The following OASL variants were observed in gnomAD, a reference collection of about 807,000 sequenced individuals.
The protein encoded by OASL is 2'-5'-oligoadenylate synthase-like protein.
OASL carries 28 observed loss-of-function variants against 35.3 expected under a neutral mutation model. That is an observed-to-expected ratio of 0.79 (90% confidence interval 0.59 to 1.09). OASL has a LOEUF of 1.09. OASL is among the 50% of genes least tolerant of loss of function. OASL has a pLI of 0.00. For missense variants in OASL, 620 were observed against 635.2 expected (o/e 0.98, Z 0.26); for synonymous variants, 252 against 254.6 (o/e 0.99, Z 0.10).
chr12:121,038,980 C>T (rs778378386), exon 1 of OASL: 18 of 1,612,640 alleles, frequency 1.1e-5, no homozygotes, highest in South Asian at 3.3e-5. Flanking sequence ...ATCTCTGTCC[C>T]GAGAGTACCG....
intron 4 of OASL, among the ~76,000 whole-genome samples, chr12:121,026,495 C>G (rs1869489309): frequency 6.6e-6 from 1 of 152,008 alleles, no homozygotes; most frequent in African/African-American, 2.4e-5. Context: ...GGAAGGCAGA[C>G]AACAAAGAGT....
chr12:121,033,010 C>T (rs1330226658), intron 2 of OASL, among the ~76,000 whole-genome samples: 4 of 152,096 alleles, frequency 2.6e-5, no homozygotes, highest in African/African-American at 9.7e-5. Context: ...ACTGCAACCT[C>T]CGCCTCCTGG....
chr12:121,039,090 G>C (rs1870081633), exon 1 of OASL: 2 of 803,558 alleles, frequency 2.5e-6, no homozygotes, highest in African/African-American at 1.7e-5. Flanking sequence ...TGCTCTGTGG[G>C]AGGAGGGACC....
At chr12:121,026,809 G>A (rs756607461) in intron 4 of OASL, among the ~76,000 whole-genome samples, 21 of 151,230 alleles carry the variant, frequency 1.4e-4, no homozygotes, top group East Asian at 1.9e-4. Context: ...TGGAGATTGC[G>A]CCACTGCACT....
chr12:121,021,790 A>G (rs1481243592), intron 5 of OASL, among the ~76,000 whole-genome samples: 3 of 152,208 alleles, frequency 2.0e-5, no homozygotes, highest in Admixed American at 2.0e-4. Context: ...CAGCCTGGGC[A>G]ACAAAGGGAG....
At chr12:121,033,621 C>G in exon 2 of OASL, 6 of 1,614,182 alleles carry the variant, frequency 3.7e-6, no homozygotes, top group Non-Finnish European at 5.1e-6. Flanking sequence ...TTTTCCATAT[C>G]AGCCTCAGAA....
At chr12:121,024,790 C>G (rs1442794424) in intron 4 of OASL, among the ~76,000 whole-genome samples, 3 of 152,014 alleles carry the variant, frequency 2.0e-5, no homozygotes, top group Admixed American at 2.0e-4. Context: ...GTTAGAGCTG[C>G]TGAATTACTT....
chr12:121,022,088 T>C (rs76434577), intron 5 of OASL, among the ~76,000 whole-genome samples: 53 of 146,792 alleles, frequency 3.6e-4, no homozygotes, highest in African/African-American at 1.2e-3. Context: ...TTTTGTTCTT[T>C]TTTTTTTTTT....
At chr12:121,038,163 T>A (rs891500274) in intron 1 of OASL, among the ~76,000 whole-genome samples, 1 of 152,074 alleles carries the variant, frequency 6.6e-6, no homozygotes, top group Admixed American at 6.6e-5. Context: ...AACACTCATA[T>A]ACCCAACTAG....
exon 1 of OASL, chr12:121,038,831 C>G (rs1423740469): frequency 6.2e-7 from 1 of 1,614,036 alleles, no homozygotes; most frequent in African/African-American, 1.3e-5. Context: ...CCTGGAAATG[C>G]TCCTGCCTCA....
chr12:121,031,713 T>A, intron 2 of OASL, 96 bp from the exon 3 acceptor site: 6 of 1,056,090 alleles, frequency 5.7e-6, no homozygotes, highest in Non-Finnish European at 8.5e-6. Context: ...ACATTGGAAG[T>A]ATCCCTCCAG....
chr12:121,027,644 C>T lies in OASL; in HGVS notation c.831G>A (p.Trp277Ter), dbSNP rs1869544030. Residue 277 changes from tryptophan to a stop codon, truncating the protein, a stop_gained, in exon 4 of 6, where the codon TGG becomes TGA. Transcript: ENST00000257570. LOFTEE classifies it high-confidence loss of function. ...CATTGTGGAGTGTGTAGTACTTGGT[C>T]CAGTAGATACAGATGACTTCATACT... 6.2e-7 allele frequency: 1 copy of T among 1,613,980 alleles called. No individual in the cohort carries two copies. The highest frequency in any genetic ancestry group is 1.1e-5 in the South Asian group (1 of 91,080).
chr12:121,029,440 G>C (rs1869638366), intron 3 of OASL, among the ~76,000 whole-genome samples: 1 of 152,216 alleles, frequency 6.6e-6, no homozygotes, highest in African/African-American at 2.4e-5. Context: ...TGTAATCCCA[G>C]CACTTTGGGA....
intron 4 of OASL, 73 bp downstream of exon 4, chr12:121,027,503 C>T: frequency 6.3e-7 from 1 of 1,592,150 alleles, no homozygotes; most frequent in Non-Finnish European, 8.6e-7. Context: ...ATCCATAAAA[C>T]TCTATGCCAC....
intron 1 of OASL, among the ~76,000 whole-genome samples, chr12:121,034,434 C>T (rs1869872583): frequency 6.6e-6 from 1 of 152,094 alleles, no homozygotes; most frequent in Non-Finnish European, 1.5e-5. Flanking sequence ...CCCAAATGCC[C>T]AGCTTCTTAT....
chr12:121,033,386 G>T, intron 2 of OASL, 75 bp downstream of exon 2: 1 of 1,473,186 alleles, frequency 6.8e-7, no homozygotes, highest in South Asian at 1.2e-5. Context: ...ACGTGGCCAT[G>T]AGTAAAGGTG....
intron 2 of OASL, among the ~76,000 whole-genome samples, chr12:121,033,204 G>A (rs1470042443): frequency 6.6e-5 from 10 of 152,122 alleles, no homozygotes; most frequent in African/African-American, 9.6e-5. Flanking sequence ...GATTACAGGC[G>A]TGAGCCACCG....
At position 121,038,747 on chromosome 12, in the gene OASL, G is replaced by A. The variant is rs141280914; in HGVS notation, c.198+27C>T. On this transcript the variant is annotated intron_variant, in intron 1 of 5. Coordinates refer to ENST00000257570, the Ensembl canonical transcript of OASL. ...ACTCTGATACTGGGTTTTGTCTTGC[G>A]TGGGGGCTGGAGGAGCCCAGTCTTA... is the stretch of plus-strand genomic sequence containing the variant. 6.1e-3 allele frequency: 9,893 copies of A among 1,611,302 alleles called. 49 individuals carry two copies. The highest frequency in any genetic ancestry group is 7.4e-3 in the Non-Finnish European group (8,726 of 1,177,568).
Position 121,021,135 on chromosome 12 carries a change from C to G in OASL, c.1048-77G>C. The G allele has an allele frequency of 2.8e-6, 4 of 1,424,446 alleles. No homozygotes were observed. In the South Asian group the frequency reaches 5.6e-5, roughly 20 times the overall value. The allele number at this position is 1,424,446 out of a possible 1,614,324, so 88.2% of individuals were successfully genotyped here. ...ATGTGCAAATGTTCCCTTCATCTGT[C>G]CTTATCTTTACAATAGTAGCAGCAG... On this transcript the variant is annotated intron_variant, in intron 5 of 5. Coordinates refer to ENST00000257570, the Ensembl canonical transcript of OASL.
Sources: gnomAD v4.1 joint callset for allele counts (sites outside exome capture counted in the v4.1 genomes callset) on GRCh38, gnomAD v4.1.1 for gene constraint, MANE v1.5 for transcripts, NCBI Gene and HGNC (gene_info 2026-07-23, HGNC 2026-07-21) for gene names.